The following ARL14EPL variants were observed in gnomAD, a reference collection of about 807,000 sequenced individuals.
The protein encoded by ARL14EPL is ARL14 effector protein-like.
Under a neutral mutation model 15.9 loss-of-function variants are expected in ARL14EPL, and 17 were observed. That is an observed-to-expected ratio of 1.07 (90% CI 0.73 to 1.60). The LOEUF (loss-of-function observed/expected upper bound fraction) is 1.60, where lower values mean the gene tolerates loss of function less well. Among genes scored for constraint, ARL14EPL ranks in the 40% most tolerant of loss-of-function variants. ARL14EPL has a pLI of 0.00. For missense variants in ARL14EPL, 214 were observed against 185.9 expected (o/e 1.15, Z -0.88); for synonymous variants, 78 against 63.8 (o/e 1.22, Z -1.06).
In ARL14EPL at chr5:116,046,346, T is replaced by C. The variant is rs115046051; in HGVS notation, c.-9-5111T>C. ...TTGCTAGTGTCCATAGGGGTAATGATGGAAAAATACTCACTCTACCCCATG... is the reference window on the plus strand; with the variant it reads ...TTGCTAGTGTCCATAGGGGTAATGACGGAAAAATACTCACTCTACCCCATG... On this transcript the variant is annotated intron_variant, in intron 1 of 3. Transcript: ENST00000686077. 3.5e-3 allele frequency among the ~76,000 whole-genome samples: 526 copies of C among 152,236 alleles called. 3 individuals are homozygous for C. Among genetic ancestry groups the C allele is most frequent in the African/African-American group, 0.012 (488 of 41,530 alleles).
intron 1 of ARL14EPL, among the ~76,000 whole-genome samples, chr5:116,033,815 G>T (rs923936543): frequency 3.7e-4 from 56 of 152,140 alleles, no homozygotes; most frequent in Admixed American, 3.7e-3. Flanking sequence ...GTGAAAAAAA[G>T]GCTGTGTGTG....
At chr5:116,034,808 T>C (rs1000155055) in intron 1 of ARL14EPL, among the ~76,000 whole-genome samples, 6 of 152,188 alleles carry the variant, frequency 3.9e-5, no homozygotes, top group African/African-American at 1.4e-4. Flanking sequence ...TTGTTTGTTT[T>C]AGCAAAGAGA....
At chr5:116,053,302 T>C (rs956362122) in intron 2 of ARL14EPL, among the ~76,000 whole-genome samples, 2 of 147,128 alleles carry the variant, frequency 1.4e-5, no homozygotes, top group Non-Finnish European at 3.0e-5. Flanking sequence ...CAGTAAGCCA[T>C]GATCATGCCA....
At chr5:116,045,747 TG>T (rs1381582636) in intron 1 of ARL14EPL, among the ~76,000 whole-genome samples, 23 of 26,358 alleles carry the variant, frequency 8.7e-4, no homozygotes, top group Non-Finnish European at 1.5e-3. Flanking sequence ...CCCACAGAAG[TG>T]TGTGTGTGTG....
intron 1 of ARL14EPL, among the ~76,000 whole-genome samples, chr5:116,042,182 G>T (rs1000090750): frequency 1.3e-5 from 2 of 152,060 alleles, no homozygotes; most frequent in African/African-American, 4.8e-5. Flanking sequence ...TAGTCCCTCC[G>T]CCCGCTCTGC....
intron 2 of ARL14EPL, chr5:116,051,909 T>A: frequency 6.5e-7 from 1 of 1,527,458 alleles, no homozygotes; most frequent in Non-Finnish European, 9.1e-7. Flanking sequence ...GTTGGACCTA[T>A]TCATGCATCT....
chr5:116,039,037 A>G (rs1749100886), intron 1 of ARL14EPL, among the ~76,000 whole-genome samples: 1 of 152,162 alleles, frequency 6.6e-6, no homozygotes, highest in Non-Finnish European at 1.5e-5. Context: ...GCTGTCTGGT[A>G]GCAGGGTGGG....
At chr5:116,039,593 A>G (rs540113790) in intron 1 of ARL14EPL, among the ~76,000 whole-genome samples, 42 of 152,254 alleles carry the variant, frequency 2.8e-4, no homozygotes, top group African/African-American at 9.6e-4. Context: ...CATTAAGGGG[A>G]AAAAAAGAAT....
intron 1 of ARL14EPL, among the ~76,000 whole-genome samples, chr5:116,049,350 T>C (rs1749328419): frequency 6.6e-6 from 1 of 152,222 alleles, no homozygotes; most frequent in South Asian, 2.1e-4. Flanking sequence ...AACAGCTCCA[T>C]ATGATTTTTA....
chr5:116,043,368 A>G (rs1749201055), intron 1 of ARL14EPL, among the ~76,000 whole-genome samples: 1 of 152,224 alleles, frequency 6.6e-6, no homozygotes, highest in Non-Finnish European at 1.5e-5. Flanking sequence ...ATTTTACATT[A>G]CATTCAACTT....
chr5:116,057,526 T>A (rs975155667), intron 3 of ARL14EPL, among the ~76,000 whole-genome samples: 1 of 152,110 alleles, frequency 6.6e-6, no homozygotes, highest in Non-Finnish European at 1.5e-5. Flanking sequence ...GTGGTATAGG[T>A]TGATTTCAGG....
intron 1 of ARL14EPL, among the ~76,000 whole-genome samples, chr5:116,050,820 C>CTT (rs1749359704): frequency 1.1e-5 from 1 of 94,646 alleles, no homozygotes; most frequent in East Asian, 2.5e-4. Flanking sequence ...CTCTCTTACA[C>CTT]ACACACATGC....
intron 1 of ARL14EPL, among the ~76,000 whole-genome samples, chr5:116,043,949 G>A (rs1749215451): frequency 6.6e-6 from 1 of 152,168 alleles, no homozygotes; most frequent in Non-Finnish European, 1.5e-5. Context: ...AATTTACTGT[G>A]TAGGAAGTGA....
chr5:116,058,875 G>A lies in ARL14EPL; in HGVS notation c.387G>A (p.Arg129=), dbSNP rs1288005320. Residue 129 remains arginine (R), a synonymous_variant, in exon 4 of 4, where the codon CGG becomes CGA. Coordinates refer to ENST00000686077, the MANE Select transcript of ARL14EPL (RefSeq NM_001195581.2). The stretch of plus-strand genomic sequence containing the variant: ...GGCCCGAGTGCCGCTGCAACCGACG[G>A]TGGGTTTACGATGCCATCGTCACTG... ...KCGPECRCNR[R]WVYDAIVTES... 4.6e-6 allele frequency: 7 copies of A among 1,535,994 alleles called. No homozygotes were observed. Among genetic ancestry groups the A allele is most frequent in the Admixed American group, 2.0e-5 (1 of 50,984 alleles).
intron 1 of ARL14EPL, among the ~76,000 whole-genome samples, chr5:116,038,366 G>C (rs1310411226): frequency 6.6e-6 from 1 of 152,136 alleles, no homozygotes; most frequent in Non-Finnish European, 1.5e-5. Context: ...CTGGGCAATG[G>C]GGATGATTAC....
intron 2 of ARL14EPL, among the ~76,000 whole-genome samples, chr5:116,053,667 A>G (rs1818356): frequency 0.75 from 114,799 of 152,090 alleles, 43,809 homozygotes; most frequent in African/African-American, 0.79. Flanking sequence ...CTACTCCTTC[A>G]TCCTTACCCA....
chr5:116,048,621 C>G (rs937746663), intron 1 of ARL14EPL, among the ~76,000 whole-genome samples: 12 of 152,070 alleles, frequency 7.9e-5, no homozygotes, highest in African/African-American at 2.7e-4. Context: ...TGTCTAAGAG[C>G]TACTGTTATC....
chr5:116,044,125 G>A (rs1184894623), intron 1 of ARL14EPL, among the ~76,000 whole-genome samples: 1 of 152,102 alleles, frequency 6.6e-6, no homozygotes, highest in East Asian at 1.9e-4. Flanking sequence ...TTTATTCTGG[G>A]ACCACCTTAG....
chr5:116,035,671 G>A (rs1049190036), intron 1 of ARL14EPL, among the ~76,000 whole-genome samples: 1 of 152,206 alleles, frequency 6.6e-6, no homozygotes, highest in Admixed American at 6.5e-5. Flanking sequence ...CAGAATCTCA[G>A]AGATAGGGCT....
Sources: gnomAD v4.1 joint callset for allele counts (sites outside exome capture counted in the v4.1 genomes callset) on GRCh38, gnomAD v4.1.1 for gene constraint, MANE v1.5 for transcripts, NCBI Gene and HGNC (gene_info 2026-07-23, HGNC 2026-07-21) for gene names.